The following ERP44 variants were observed in gnomAD, a reference collection of about 807,000 sequenced individuals.
ERP44 encodes endoplasmic reticulum resident protein 44.
A neutral mutation model predicts 53.4 loss-of-function variants in ERP44; 25 were observed. The observed-to-expected ratio is 0.47, with a 90% CI of 0.34 to 0.65. ERP44 has a LOEUF of 0.65. ERP44 is among the 30% of genes least tolerant of loss of function. The pLI, the probability that ERP44 is intolerant of heterozygous loss-of-function variation, is 0.01. For synonymous variants in ERP44, 145 were observed against 161.2 expected (o/e 0.90, Z 0.76); for missense variants, 338 against 493.2 (o/e 0.69, Z 2.98).
intron 4 of ERP44, among the ~76,000 whole-genome samples, chr9:100,026,040 A>G (rs1412266945): frequency 6.6e-6 from 1 of 152,238 alleles, no homozygotes; most frequent in Non-Finnish European, 1.5e-5. Context: ...AACCATTCCT[A>G]AGGTAAGCAA....
chr9:100,068,764 C>A (rs1350686670), intron 1 of ERP44, among the ~76,000 whole-genome samples: 3 of 151,686 alleles, frequency 2.0e-5, no homozygotes, highest in African/African-American at 7.3e-5. Flanking sequence ...CCCCTCTGCC[C>A]GGCCAGCCGC....
At chr9:100,068,130 G>A (rs1405227205) in intron 1 of ERP44, among the ~76,000 whole-genome samples, 2 of 142,530 alleles carry the variant, frequency 1.4e-5, no homozygotes, top group South Asian at 2.2e-4. Context: ...GGTGAGGGGC[G>A]CCTCTGCCCA....
At chr9:100,086,825 A>G (rs971038538) in intron 1 of ERP44, among the ~76,000 whole-genome samples, 1 of 152,140 alleles carries the variant, frequency 6.6e-6, no homozygotes, top group Admixed American at 6.5e-5. Context: ...CCTGAAAGGG[A>G]AATACATTGC....
At position 100,057,849 on chromosome 9, in the gene ERP44, A is replaced by G. The variant is rs780419961; in HGVS notation, c.141T>C (p.Asp47=). Residue 47 remains aspartate, a synonymous_variant, in exon 3 of 12, where the codon GAT becomes GAC. Coordinates refer to ENST00000262455, the MANE Select transcript of ERP44 (RefSeq NM_015051.3). ...ENIDEILNNA[D]VALVNFYADW... ...CAGCATAAAAATTTACTAAAGCAAC[A>G]TCAGCATTGTCTGAAATTGAAAGAC... is the stretch of plus-strand genomic sequence containing the variant. 8 of 1,602,802 alleles carry G rather than the reference A, an allele frequency of 5.0e-6. No individual in the cohort carries two copies. The African/African-American group carries it at 9.4e-5, about 19-fold the overall frequency.
intron 4 of ERP44, among the ~76,000 whole-genome samples, chr9:100,024,118 C>T (rs900448415): frequency 6.6e-6 from 1 of 152,004 alleles, no homozygotes; most frequent in African/African-American, 2.4e-5. Context: ...CGTGCCAGTG[C>T]ACTCCAGACT....
chr9:99,984,940 T>C (rs375039356), intron 11 of ERP44, 27 bp downstream of exon 11: 7 of 1,426,538 alleles, frequency 4.9e-6, no homozygotes, highest in Non-Finnish European at 6.9e-6. Context: ...AAAAGAGTTC[T>C]CATTGAAAAA....
At chr9:100,056,897 A>T (rs1487686834) in intron 3 of ERP44, among the ~76,000 whole-genome samples, 1 of 152,220 alleles carries the variant, frequency 6.6e-6, no homozygotes, top group Non-Finnish European at 1.5e-5. Context: ...TAAAGGATTT[A>T]AACTTTAACC....
chr9:99,992,470 T>C (rs567829917), intron 10 of ERP44, among the ~76,000 whole-genome samples: 43 of 152,328 alleles, frequency 2.8e-4, no homozygotes, highest in Admixed American at 8.5e-4. Context: ...TCAACAGCCC[T>C]TCATGCTACA....
chr9:99,987,117 A>C lies in ERP44; in HGVS notation c.1017-2048T>G, dbSNP rs1032571354. ...CATTTTTCCAAGCTGATTTTTTTCC[A>C]CTGTCAACAGATGAAAGAATGTGTG... On this transcript the variant is annotated intron_variant, in intron 10 of 11. Coordinates refer to ENST00000262455, the MANE Select transcript of ERP44 (RefSeq NM_015051.3). 2.0e-5 allele frequency among the ~76,000 whole-genome samples: 3 copies of C among 152,190 alleles called. 1 individual carries two copies. The highest frequency in any genetic ancestry group is 2.0e-4 in the Admixed American group (3 of 15,274).
At chr9:100,066,849 A>G (rs1424878266) in intron 1 of ERP44, among the ~76,000 whole-genome samples, 2 of 152,198 alleles carry the variant, frequency 1.3e-5, no homozygotes. Flanking sequence ...GCTGACAGGA[A>G]CTATAAGGGC....
intron 1 of ERP44, among the ~76,000 whole-genome samples, chr9:100,068,553 G>T (rs868710470): frequency 1.4e-5 from 2 of 142,342 alleles, no homozygotes; most frequent in Non-Finnish European, 3.1e-5. Context: ...CAGCCGCCCC[G>T]TCGGGGAGGG....
At chr9:100,004,999 C>A (rs1156624115) in intron 10 of ERP44, among the ~76,000 whole-genome samples, 1 of 152,180 alleles carries the variant, frequency 6.6e-6, no homozygotes, top group African/African-American at 2.4e-5. Context: ...ATGTCATTCC[C>A]TGATTAAAAC....
chr9:100,032,846 A>C (rs1453841770), intron 4 of ERP44, among the ~76,000 whole-genome samples: 3 of 152,230 alleles, frequency 2.0e-5, no homozygotes, highest in Non-Finnish European at 4.4e-5. Flanking sequence ...ACTTTAGAGG[A>C]AAAAGCATTC....
In ERP44 at chr9:100,038,715, T is replaced by TA. The variant is rs201289700; in HGVS notation, c.286+13701dup. On this transcript the variant is annotated intron_variant, in intron 4 of 11. Coordinates refer to ENST00000262455, the MANE Select transcript of ERP44 (RefSeq NM_015051.3). The stretch of plus-strand genomic sequence containing the variant: ...AAGACACAGACTGGTGTAATGGATT[T>TA]AAAAAAAAACAAGACCCAAAGATCT... Among the ~76,000 whole-genome samples, 1,012 of 150,784 alleles carry TA rather than the reference T, an allele frequency of 6.7e-3. 9 individuals are homozygous for TA. The highest frequency in any genetic ancestry group is 0.023 in the African/African-American group (962 of 41,168).
At chr9:100,046,884 C>T (rs1825977240) in intron 4 of ERP44, among the ~76,000 whole-genome samples, 1 of 152,104 alleles carries the variant, frequency 6.6e-6, no homozygotes, top group Non-Finnish European at 1.5e-5. Flanking sequence ...TCTTTATAAG[C>T]TATAGTAATC....
At chr9:100,053,956 G>A (rs1193291030) in intron 3 of ERP44, among the ~76,000 whole-genome samples, 1 of 152,068 alleles carries the variant, frequency 6.6e-6, no homozygotes, top group Non-Finnish European at 1.5e-5. Flanking sequence ...TAAAAATATT[G>A]GAAAGCCTGT....
chr9:100,044,415 C>CT (rs112189483), intron 4 of ERP44, among the ~76,000 whole-genome samples: 60 of 144,160 alleles, frequency 4.2e-4, no homozygotes, highest in African/African-American at 3.8e-4. Flanking sequence ...AAATGAAATT[C>CT]TTTTTTTTTT....
At chr9:100,025,502 C>A (rs1312124048) in intron 4 of ERP44, among the ~76,000 whole-genome samples, 2 of 151,994 alleles carry the variant, frequency 1.3e-5, no homozygotes, top group African/African-American at 4.8e-5. Flanking sequence ...ACAACACTGA[C>A]AGAATGAAAG....
At chr9:100,018,223 C>T in intron 7 of ERP44, 33 bp downstream of exon 7, 3 of 1,294,966 alleles carry the variant, frequency 2.3e-6, no homozygotes, top group Non-Finnish European at 3.4e-6. Flanking sequence ...TAAATTATAT[C>T]TTATCATACA....
Sources: gnomAD v4.1 joint callset for allele counts (sites outside exome capture counted in the v4.1 genomes callset) on GRCh38, gnomAD v4.1.1 for gene constraint, MANE v1.5 for transcripts, NCBI Gene and HGNC (gene_info 2026-07-23, HGNC 2026-07-21) for gene names.